DOCK3: variants seen among roughly 807,000 people sequenced by gnomAD.
DOCK3 encodes dedicator of cytokinesis 3, also known as dedicator of cytokinesis protein 3.
DOCK3 carries 60 observed loss-of-function variants against 265.6 expected under a neutral mutation model. The observed-to-expected ratio is 0.23, with a 90% CI of 0.18 to 0.28. The LOEUF is 0.28. Among genes scored for constraint, DOCK3 ranks in the 10% least tolerant of loss-of-function variants. The probability of loss-of-function intolerance (pLI) is 1.00; values close to 1 mark genes in which losing one functional copy is unlikely to be tolerated. For missense variants in DOCK3, 1,981 were observed against 2,594.3 expected (o/e 0.76, Z 5.14); for synonymous variants, 881 against 938.0 (o/e 0.94, Z 1.11).
Position 50,925,824 on chromosome 3 carries a change from C to CTTT in DOCK3, c.219-8135_219-8133dup, listed in dbSNP as rs368819970. Among the ~76,000 whole-genome samples the CTTT allele has an allele frequency of 2.0e-3, 173 of 88,426 alleles. 1 individual carries two copies. Among genetic ancestry groups the CTTT allele is most frequent in the Non-Finnish European group, 2.7e-3 (125 of 46,068 alleles). The allele number at this position is 88,426 out of a possible 152,430, so 58.0% of individuals were successfully genotyped here. On this transcript the variant is annotated intron_variant, in intron 4 of 52. Coordinates refer to ENST00000266037, the MANE Select transcript of DOCK3 (RefSeq NM_004947.5). ...TCAGCAGCTACTAGGTAAAACTAGT[C>CTTT]TTTTTTTTTTTTTTTTTTTTTTTTG...
rs552669943 is a variant in DOCK3 at position 51,106,101 on chromosome 3, G to A, written c.746+15717G>A. On this transcript the variant is annotated intron_variant, in intron 9 of 52. Transcript: ENST00000266037. The stretch of plus-strand genomic sequence containing the variant: ...GAGCATGGCCAGAGATGCCTCTCCC[G>A]CTAGGCTTCACTTGCTCCAATAGGA... Among the ~76,000 whole-genome samples, 5 of 152,296 alleles carry A rather than the reference G, an allele frequency of 3.3e-5. No homozygotes were observed. In the South Asian group the frequency reaches 6.2e-4, roughly 19 times the overall value.
rs1242965741 is a variant in DOCK3 at position 51,305,749 on chromosome 3, T to C, written c.2923-4483T>C. ...GTGTGTGTGCGCGTGTGTGTGTGTG[T>C]GTGTGTGTGTGTTTTTATTATAGGG... On this transcript the variant is annotated intron_variant, in intron 27 of 52. Transcript: ENST00000266037. Among the ~76,000 whole-genome samples, 6 of 150,328 alleles carry C rather than the reference T, an allele frequency of 4.0e-5. No individual in the cohort carries two copies. The Admixed American group carries it at 4.0e-4, about 10-fold the overall frequency.
rs193139489 is a variant in DOCK3, at chr3:50,962,350, G to C, written c.315+28273G>C. ...TCTTCTGATACCTATCTAAAGGGCT[G>C]TTATTTAGTTCCCTGATTTTGGTAT... On this transcript the variant is annotated intron_variant, in intron 5 of 52. Coordinates refer to ENST00000266037, the MANE Select transcript of DOCK3 (RefSeq NM_004947.5). Among the ~76,000 whole-genome samples, 7 of 152,296 alleles carry C rather than the reference G, an allele frequency of 4.6e-5. No homozygotes were observed. The East Asian group carries it at 1.3e-3, about 29-fold the overall frequency.
intron 12 of DOCK3, among the ~76,000 whole-genome samples, chr3:51,205,560 G>A (rs548615084): frequency 4.0e-5 from 6 of 151,786 alleles, no homozygotes; most frequent in South Asian, 2.1e-4. Flanking sequence ...AAATTAGCTC[G>A]GCATGGTGGT....
At chr3:51,066,224 T>G (rs1181922858) in intron 6 of DOCK3, among the ~76,000 whole-genome samples, 1 of 152,030 alleles carries the variant, frequency 6.6e-6, no homozygotes, top group East Asian at 1.9e-4. Flanking sequence ...CGGGGGAAAT[T>G]CTGAAGGAAT....
intron 5 of DOCK3, among the ~76,000 whole-genome samples, chr3:51,001,850 C>T (rs1323460794): frequency 6.6e-6 from 1 of 152,024 alleles, no homozygotes; most frequent in Non-Finnish European, 1.5e-5. Context: ...ATAGGTGTGT[C>T]TCTCACTATT....
intron 27 of DOCK3, among the ~76,000 whole-genome samples, chr3:51,302,051 T>A (rs897342003): frequency 6.6e-6 from 1 of 152,164 alleles, no homozygotes; most frequent in Non-Finnish European, 1.5e-5. Flanking sequence ...CCACTATTAT[T>A]GTGTGTGGGA....
chr3:51,269,835 GTAAAAATTTCCCTCA>G (rs1294697211), intron 23 of DOCK3, among the ~76,000 whole-genome samples: 1 of 152,144 alleles, frequency 6.6e-6, no homozygotes, highest in East Asian at 1.9e-4. Flanking sequence ...GAAACTTTAT[GTAAAAATTTCCCTCA>G]TACCAGTATC....
rs1271164609 is a variant in DOCK3, at chr3:51,374,719, C to T, written c.5412+132C>T. 1.4e-5 allele frequency: 12 copies of T among 863,210 alleles called. No individual in the cohort carries two copies. Among genetic ancestry groups the T allele is most frequent in the East Asian group, 2.7e-5 (1 of 36,642 alleles). The allele number at this position is 863,210 out of a possible 1,614,324, so 53.5% of individuals were successfully genotyped here. On this transcript the variant is annotated intron_variant, in intron 50 of 52. Transcript: ENST00000266037. This position sits in a 1 kb window ranked among gnomAD's most constrained non-coding sequence, Gnocchi z 4.8. ...TCCGCTGTAAGATCCCGCAAAAGGCCGCTGGGCTTCTGGATGTGGAGTGCA... is the reference window on the plus strand; with the variant it reads ...TCCGCTGTAAGATCCCGCAAAAGGCTGCTGGGCTTCTGGATGTGGAGTGCA...
intron 27 of DOCK3, among the ~76,000 whole-genome samples, chr3:51,283,866 T>C (rs2081273446): frequency 6.6e-6 from 1 of 152,206 alleles, no homozygotes; most frequent in African/African-American, 2.4e-5. Context: ...TGTAAGCACT[T>C]CTGGGGCTTG....
chr3:51,263,631 G>A (rs2079988312), intron 23 of DOCK3, among the ~76,000 whole-genome samples: 1 of 152,116 alleles, frequency 6.6e-6, no homozygotes, highest in Non-Finnish European at 1.5e-5. Flanking sequence ...CTGGCAAATT[G>A]GATAAAGAGT....
intron 1 of DOCK3, among the ~76,000 whole-genome samples, chr3:50,729,943 C>T (rs966821465): frequency 2.0e-5 from 3 of 151,442 alleles, no homozygotes; most frequent in Admixed American, 6.6e-5. Context: ...CTCAGCCTCC[C>T]GACTAGTTGG....
intron 26 of DOCK3, chr3:51,278,525 G>A (rs2080938984): frequency 1.0e-6 from 1 of 985,290 alleles, no homozygotes; most frequent in South Asian, 4.7e-5. Flanking sequence ...CACTCAGGGA[G>A]CAGGTATGTG....
chr3:50,691,243 C>T (rs1362647704), intron 1 of DOCK3, among the ~76,000 whole-genome samples: 2 of 149,168 alleles, frequency 1.3e-5, no homozygotes, highest in Non-Finnish European at 3.0e-5. Flanking sequence ...GAGATCGCAT[C>T]ACTGCACTCC....
intron 5 of DOCK3, among the ~76,000 whole-genome samples, chr3:51,041,137 T>C (rs1403969808): frequency 7.7e-6 from 1 of 129,162 alleles, no homozygotes; most frequent in East Asian, 2.4e-4. Flanking sequence ...AATCACTATC[T>C]ATGGCACCTA....
At chr3:50,935,912 G>T (rs1050504566) in intron 5 of DOCK3, among the ~76,000 whole-genome samples, 1 of 152,116 alleles carries the variant, frequency 6.6e-6, no homozygotes, top group Admixed American at 6.5e-5. Flanking sequence ...TAATGTTCAG[G>T]ATATGGCCCA....
chr3:51,299,167 A>G (rs2082250063), intron 27 of DOCK3, among the ~76,000 whole-genome samples: 1 of 152,040 alleles, frequency 6.6e-6, no homozygotes, highest in Non-Finnish European at 1.5e-5. Flanking sequence ...TTCTCTAATG[A>G]TCAGTGATGT....
chr3:50,871,452 T>C (rs946635889), intron 3 of DOCK3, among the ~76,000 whole-genome samples: 18 of 152,240 alleles, frequency 1.2e-4, no homozygotes, highest in African/African-American at 4.3e-4. Context: ...ATCCTTTTTT[T>C]AATCCTTGAT....
rs185826047 is a variant in DOCK3 at position 50,693,075 on chromosome 3, A to G, written c.37+17775A>G. The stretch of plus-strand genomic sequence containing the variant: ...TATTCTGGGCTCTGTATTCTGTTTC[A>G]TTGGTCTATATAGTTCTGTCTTTAT... On this transcript the variant is annotated intron_variant, in intron 1 of 52. Coordinates refer to ENST00000266037, the MANE Select transcript of DOCK3 (RefSeq NM_004947.5). Among the ~76,000 whole-genome samples, 7 of 152,216 alleles carry G rather than the reference A, an allele frequency of 4.6e-5. No individual in the cohort carries two copies. The East Asian group carries it at 7.7e-4, about 17-fold the overall frequency.
Sources: allele counts gnomAD v4.1 joint callset (sites outside exome capture counted in the v4.1 genomes callset), GRCh38; gene constraint gnomAD v4.1.1; non-coding constraint Gnocchi (gnomAD v3.1); transcripts MANE v1.5; gene names NCBI Gene and HGNC (gene_info 2026-07-23, HGNC 2026-07-21).